DYDC1: variants seen among roughly 807,000 people sequenced by gnomAD.
DYDC1 encodes the protein DPY30 domain-containing protein 1.
DYDC1 carries 21 observed loss-of-function variants against 27.9 expected under a neutral mutation model. The observed-to-expected ratio is 0.75, with a 90% CI of 0.53 to 1.08. The LOEUF (loss-of-function observed/expected upper bound fraction) is 1.08, where lower values mean the gene tolerates loss of function less well. DYDC1 is among the 50% of genes least tolerant of loss of function. The probability of loss-of-function intolerance (pLI) is 0.00; values close to 1 mark genes in which losing one functional copy is unlikely to be tolerated. For synonymous variants in DYDC1, 67 were observed against 65.8 expected (o/e 1.02, Z -0.09); for missense variants, 202 against 205.9 (o/e 0.98, Z 0.12).
intron 1 of DYDC1, 21 bp from the exon 2 acceptor site, chr10:80,352,631 C>A (rs757877518): frequency 1.3e-6 from 2 of 1,592,084 alleles, no homozygotes; most frequent in Non-Finnish European, 1.7e-6. Flanking sequence ...AGTGTTTTTG[C>A]ATTACTGCAG....
At chr10:80,346,260 G>T (rs952317862) in intron 3 of DYDC1, among the ~76,000 whole-genome samples, 3 of 152,106 alleles carry the variant, frequency 2.0e-5, no homozygotes, top group African/African-American at 4.8e-5. Flanking sequence ...TCTATAAGGT[G>T]CTGGTTTCAT....
intron 3 of DYDC1, among the ~76,000 whole-genome samples, chr10:80,344,103 G>A (rs953749084): frequency 6.6e-6 from 1 of 152,166 alleles, no homozygotes; most frequent in South Asian, 2.1e-4. Context: ...GTGACAGAGC[G>A]AGACTCTGTC....
intron 3 of DYDC1, among the ~76,000 whole-genome samples, chr10:80,349,617 G>A (rs892662089): frequency 6.6e-6 from 1 of 152,264 alleles, no homozygotes; most frequent in East Asian, 1.9e-4. Context: ...TAGCTGAAAC[G>A]CAGAAACAGT....
chr10:80,341,679 C>T (rs1181640469), intron 4 of DYDC1, among the ~76,000 whole-genome samples: 1 of 151,888 alleles, frequency 6.6e-6, no homozygotes, highest in Admixed American at 6.6e-5. Flanking sequence ...TTAGAGAACC[C>T]TACTGCTCAC....
At chr10:80,345,338 G>A (rs1842547754) in intron 3 of DYDC1, among the ~76,000 whole-genome samples, 2 of 152,240 alleles carry the variant, frequency 1.3e-5, no homozygotes, top group South Asian at 4.1e-4. Context: ...AATTGAAGAT[G>A]CATATAATGT....
At chr10:80,356,313 C>G (rs1436514891) in intron 1 of DYDC1, 4 of 985,488 alleles carry the variant, frequency 4.1e-6, no homozygotes, top group Non-Finnish European at 4.8e-6. Context: ...CTGCCTCCAG[C>G]GTGAAGAAGG....
Position 80,352,480 on chromosome 10 carries a change from T to C in DYDC1, c.122A>G (p.Lys41Arg). ...CAGTTGTTCCATGGTCACATTTTCC[T>C]TATACTTGTAAATCCACAATGCTAA... Reference protein sequence around the residue: ...EYLALWIYKYKENVTMEQLRQ... With the variant: ...EYLALWIYKYRENVTMEQLRQ... Residue 41 changes from lysine to arginine, a missense_variant, in exon 2 of 7, where the codon AAG becomes AGG. Transcript: ENST00000372202. The C allele has an allele frequency of 6.2e-7, 1 of 1,610,406 alleles. No individual in the cohort carries two copies. Among genetic ancestry groups the C allele is most frequent in the South Asian group, 1.1e-5 (1 of 90,192 alleles).
chr10:80,355,692 G>A (rs1361645017), intron 1 of DYDC1, among the ~76,000 whole-genome samples: 1 of 152,102 alleles, frequency 6.6e-6, no homozygotes, highest in Non-Finnish European at 1.5e-5. Flanking sequence ...TAAAGAAAAC[G>A]AGGTGCTGAA....
At chr10:80,352,794 A>G (rs1719557202) in intron 1 of DYDC1, 184 bp from the exon 2 acceptor site, 12 of 609,968 alleles carry the variant, frequency 2.0e-5, no homozygotes, top group Non-Finnish European at 2.6e-5. Flanking sequence ...AAGGGCTCCA[A>G]GGAAGTCACT....
intron 1 of DYDC1, among the ~76,000 whole-genome samples, chr10:80,355,862 A>G (rs1843334069): frequency 6.6e-6 from 1 of 152,160 alleles, no homozygotes; most frequent in Admixed American, 6.6e-5. Flanking sequence ...TGTCTCAACC[A>G]TACAGAGAAA....
rs370903702 is a variant in DYDC1, at chr10:80,355,986, TA to T, written c.-10+725del. 9.3e-3 allele frequency among the ~76,000 whole-genome samples: 1,103 copies of T among 118,866 alleles called. 3 individuals are homozygous for T. The highest frequency in any genetic ancestry group is 0.012 in the African/African-American group (399 of 32,108). 78.0% of individuals were successfully genotyped at this position (118,866 alleles called of 152,430 possible). A position where few individuals can be genotyped will look rare whatever the true frequency, so the allele number is the denominator to read the frequency against. On this transcript the variant is annotated intron_variant, in intron 1 of 6. Transcript: ENST00000372202. ...ATCTCAAAGTCATTTGAAGTGAAGT[TA>T]AAAAAAAAAAAAAAAAAAGGTGCAC...
At chr10:80,346,670 T>C (rs909088400) in intron 3 of DYDC1, among the ~76,000 whole-genome samples, 10 of 150,746 alleles carry the variant, frequency 6.6e-5, no homozygotes, top group South Asian at 2.1e-4. Flanking sequence ...CCATGTTAGC[T>C]AGGATGGTCT....
intron 3 of DYDC1, among the ~76,000 whole-genome samples, chr10:80,348,897 A>AC (rs1015089207): frequency 6.6e-6 from 1 of 151,190 alleles, no homozygotes; most frequent in African/African-American, 2.4e-5. Flanking sequence ...TAGCAGATAA[A>AC]CTTTTTTTTT....
At chr10:80,353,405 G>A (rs1475846424) in intron 1 of DYDC1, among the ~76,000 whole-genome samples, 5 of 151,046 alleles carry the variant, frequency 3.3e-5, no homozygotes, top group South Asian at 2.1e-4. Flanking sequence ...CTCGTGATCC[G>A]CCCACCTCGG....
At chr10:80,352,741 G>T in intron 1 of DYDC1, 131 bp from the exon 2 acceptor site, 1 of 1,164,446 alleles carries the variant, frequency 8.6e-7, no homozygotes, top group Non-Finnish European at 1.1e-6. Flanking sequence ...CATTGGGGGT[G>T]TCACAAGCAA....
chr10:80,354,505 A>T (rs970597483), intron 1 of DYDC1: 2 of 152,040 alleles, frequency 1.3e-5, no homozygotes, highest in African/African-American at 4.8e-5. Flanking sequence ...AAAAAAAAAA[A>T]AGAATACCTA....
chr10:80,351,794 C>A, intron 3 of DYDC1, 107 bp downstream of exon 3: 1 of 939,912 alleles, frequency 1.1e-6, no homozygotes, highest in Admixed American at 2.3e-5. Context: ...ATTAGGAAGC[C>A]ATATCTAAAT....
chr10:80,338,666 CATT>C, intron 5 of DYDC1, 95 bp from the exon 6 acceptor site: 1 of 1,249,544 alleles, frequency 8.0e-7, no homozygotes, highest in Non-Finnish European at 1.0e-6. Context: ...TGATTTATAA[CATT>C]AAAATTCAAC....
At chr10:80,346,465 T>TTTTTTTTTTTTTTTTTTTG (rs1842640523) in intron 3 of DYDC1, among the ~76,000 whole-genome samples, 1 of 132,598 alleles carries the variant, frequency 7.5e-6, no homozygotes, top group African/African-American at 3.0e-5. Context: ...TTTTTTTTTT[T>TTTTTTTTTTTTTTTTTTTG]TTTTTTCTTT....
Sources: allele counts gnomAD v4.1 joint callset (sites outside exome capture counted in the v4.1 genomes callset), GRCh38; gene constraint gnomAD v4.1.1; transcripts MANE v1.5; gene names NCBI Gene and HGNC (gene_info 2026-07-23, HGNC 2026-07-21).